GRAMD2B: variants seen among roughly 807,000 people sequenced by gnomAD.
GRAMD2B encodes GRAM domain-containing protein 2B.
Under a neutral mutation model 59.2 loss-of-function variants are expected in GRAMD2B, and 41 were observed. The observed-to-expected ratio is 0.69, with a 90% CI of 0.54 to 0.90. The LOEUF is 0.90. GRAMD2B is among the 40% of genes least tolerant of loss of function. The pLI is 0.00. For synonymous variants in GRAMD2B, 161 were observed against 182.7 expected, an observed-to-expected ratio of 0.88 and a Z score of 0.96; for missense variants, 424 against 500.5, an observed-to-expected ratio of 0.85 and a Z score of 1.46.
intron 2 of GRAMD2B, among the ~76,000 whole-genome samples, chr5:126,468,731 G>A (rs539496949): frequency 1.5e-4 from 23 of 152,000 alleles, no homozygotes; most frequent in African/African-American, 3.9e-4. Flanking sequence ...CAGGTGGTCC[G>A]CCCACCTTGA....
At chr5:126,451,459 C>T (rs577929515) in intron 1 of GRAMD2B, among the ~76,000 whole-genome samples, 1 of 152,236 alleles carries the variant, frequency 6.6e-6, no homozygotes, top group South Asian at 2.1e-4. Context: ...GCCTGCTTCC[C>T]CTTTCTTTTG....
intron 1 of GRAMD2B, among the ~76,000 whole-genome samples, chr5:126,445,837 C>T (rs143633294): frequency 5.3e-5 from 8 of 152,282 alleles, no homozygotes; most frequent in African/African-American, 1.9e-4. Context: ...GAATCTGACT[C>T]AGGTGTTGAG....
intron 13 of GRAMD2B, among the ~76,000 whole-genome samples, chr5:126,490,047 G>A (rs969178264): frequency 3.3e-5 from 5 of 152,188 alleles, no homozygotes; most frequent in African/African-American, 1.2e-4. Context: ...AACCAAGTCA[G>A]GTCAGAGAAT....
intron 1 of GRAMD2B, among the ~76,000 whole-genome samples, chr5:126,416,645 C>T (rs994558079): frequency 1.3e-5 from 2 of 152,206 alleles, no homozygotes. Flanking sequence ...TTCTCCTCCT[C>T]CCTTATACTC....
chr5:126,492,391 T>TC (rs895202138), intron 13 of GRAMD2B, among the ~76,000 whole-genome samples: 3 of 142,304 alleles, frequency 2.1e-5, no homozygotes, highest in African/African-American at 7.9e-5. Context: ...CCATTCTCTC[T>TC]TTTTTTTTTT....
chr5:126,410,305 T>G (rs537643131), intron 1 of GRAMD2B, among the ~76,000 whole-genome samples: 16 of 152,054 alleles, frequency 1.1e-4, no homozygotes, highest in Admixed American at 9.2e-4. Flanking sequence ...ACGATATTGA[T>G]TCTTCCTACC....
intron 1 of GRAMD2B, among the ~76,000 whole-genome samples, chr5:126,418,342 T>TA (rs1050817470): frequency 6.6e-6 from 1 of 152,222 alleles, no homozygotes; most frequent in Admixed American, 6.5e-5. Context: ...TTTTAATTCT[T>TA]AAAAAATAAC....
chr5:126,385,413 G>C (rs1401770750), intron 1 of GRAMD2B, among the ~76,000 whole-genome samples: 1 of 152,148 alleles, frequency 6.6e-6, no homozygotes, highest in Admixed American at 6.5e-5. Flanking sequence ...ATAAATGTAA[G>C]TTAATTTTAG....
intron 5 of GRAMD2B, among the ~76,000 whole-genome samples, chr5:126,477,067 C>T (rs57226484): frequency 0.033 from 4,971 of 152,280 alleles, 252 homozygotes; most frequent in African/African-American, 0.11. Context: ...TATCTGCCAA[C>T]ATATAACTGG....
At chr5:126,475,498 G>A (rs9687892) in intron 5 of GRAMD2B, among the ~76,000 whole-genome samples, 39,121 of 151,944 alleles carry the variant, frequency 0.26, 5,328 homozygotes, top group Non-Finnish European at 0.28. Context: ...GTTCTGAATT[G>A]CCTCCTCCCT....
At chr5:126,367,106 T>C (rs1366392615), upstream of GRAMD2B, among the ~76,000 whole-genome samples, 1 of 151,870 alleles carries the variant, frequency 6.6e-6, no homozygotes, top group African/African-American at 2.4e-5. Context: ...ATCCACCCAC[T>C]TCGGCCTCAC....
At chr5:126,444,525 G>T (rs2126630088) in intron 1 of GRAMD2B, among the ~76,000 whole-genome samples, 1 of 152,280 alleles carries the variant, frequency 6.6e-6, no homozygotes. Flanking sequence ...TCAATTCAGA[G>T]AATCTAATAC....
At chr5:126,409,392 A>T (rs1758557256) in intron 1 of GRAMD2B, among the ~76,000 whole-genome samples, 1 of 152,234 alleles carries the variant, frequency 6.6e-6, no homozygotes, top group South Asian at 2.1e-4. Flanking sequence ...AACTAGTATG[A>T]GATGGTATCT....
intron 1 of GRAMD2B, among the ~76,000 whole-genome samples, chr5:126,401,423 G>A (rs931735886): frequency 6.6e-6 from 1 of 152,070 alleles, no homozygotes; most frequent in Middle Eastern, 3.4e-3. Context: ...TTAATTCTTT[G>A]TCAGAAATTC....
intron 1 of GRAMD2B, among the ~76,000 whole-genome samples, chr5:126,411,998 G>A (rs1000806646): frequency 1.3e-5 from 2 of 151,958 alleles, no homozygotes; most frequent in Non-Finnish European, 1.5e-5. Context: ...TTAAGTTCCA[G>A]GAGTCTTTAG....
intron 1 of GRAMD2B, among the ~76,000 whole-genome samples, chr5:126,450,865 G>T (rs1765223545): frequency 6.6e-6 from 1 of 152,148 alleles, no homozygotes; most frequent in Admixed American, 6.5e-5. Flanking sequence ...GATTTCAGAG[G>T]ATATTTCAGA....
chr5:126,423,100 G>A (rs1034054675), upstream of GRAMD2B: 14 of 916,602 alleles, frequency 1.5e-5, no homozygotes, highest in Non-Finnish European at 1.8e-5. Flanking sequence ...CCCACACAGC[G>A]CATTTGTGTG....
At chr5:126,476,824 G>A (rs1401525135) in intron 5 of GRAMD2B, among the ~76,000 whole-genome samples, 1 of 152,190 alleles carries the variant, frequency 6.6e-6, no homozygotes, top group Non-Finnish European at 1.5e-5. Context: ...CATGAAACAA[G>A]TGAGGAGGCG....
intron 1 of GRAMD2B, chr5:126,433,494 A>G (rs1401187031): frequency 6.6e-6 from 1 of 152,252 alleles, no homozygotes; most frequent in East Asian, 1.9e-4. Context: ...CATAAAAGGA[A>G]GATTTATTTC....
Sources: gnomAD v4.1 joint callset for allele counts (sites outside exome capture counted in the v4.1 genomes callset) on GRCh38, gnomAD v4.1.1 for gene constraint, MANE v1.5 for transcripts, NCBI Gene and HGNC (gene_info 2026-07-23, HGNC 2026-07-21) for gene names.